ZBTB7C: variants seen among roughly 807,000 people sequenced by gnomAD.
The protein encoded by ZBTB7C is zinc finger and BTB domain-containing protein 7C.
ZBTB7C carries 8 observed loss-of-function variants against 25.7 expected under a neutral mutation model. The ratio of observed to expected loss-of-function variants is 0.31; its 90% CI spans 0.18 to 0.56. The LOEUF (loss-of-function observed/expected upper bound fraction) is 0.56, where lower values mean the gene tolerates loss of function less well. Among genes scored for constraint, ZBTB7C ranks in the 20% least tolerant of loss-of-function variants. The pLI is 0.91. For synonymous variants in ZBTB7C, 394 were observed against 369.0 expected (o/e 1.07, Z -0.78); for missense variants, 824 against 855.2 (o/e 0.96, Z 0.46).
chr18:48,125,914 T>C (rs1219386517), intron 3 of ZBTB7C, among the ~76,000 whole-genome samples: 1 of 152,172 alleles, frequency 6.6e-6, no homozygotes, highest in African/African-American at 2.4e-5. Context: ...TAGTGTGCTT[T>C]GGGCAAGTGA....
chr18:48,144,295 T>C (rs1364353192), intron 3 of ZBTB7C, among the ~76,000 whole-genome samples: 3 of 152,174 alleles, frequency 2.0e-5, no homozygotes, highest in African/African-American at 7.2e-5. Context: ...AAAAATTTTT[T>C]TTTTCTTAGT....
chr18:48,296,537 A>C (rs1279289339), intron 2 of ZBTB7C, among the ~76,000 whole-genome samples: 1 of 152,178 alleles, frequency 6.6e-6, no homozygotes, highest in Non-Finnish European at 1.5e-5. Context: ...ATTTTTAAAA[A>C]TTAGGTAATA....
At chr18:48,194,618 C>A (rs937350619) in intron 2 of ZBTB7C, among the ~76,000 whole-genome samples, 1 of 152,090 alleles carries the variant, frequency 6.6e-6, no homozygotes, top group African/African-American at 2.4e-5. Context: ...GCAGTCTAGA[C>A]AGGGGAGATT....
intron 3 of ZBTB7C, among the ~76,000 whole-genome samples, chr18:48,179,283 C>A (rs1381371953): frequency 2.0e-5 from 3 of 152,168 alleles, no homozygotes; most frequent in African/African-American, 7.2e-5. Context: ...GACCAGAGTC[C>A]CCAACCAATA....
chr18:48,183,938 C>G (rs2041992355), intron 3 of ZBTB7C, among the ~76,000 whole-genome samples: 1 of 152,192 alleles, frequency 6.6e-6, no homozygotes, highest in Non-Finnish European at 1.5e-5. Flanking sequence ...GCTTCCCTCT[C>G]TCCTTGACAA....
At chr18:48,340,576 C>T (rs965568015) in intron 1 of ZBTB7C, among the ~76,000 whole-genome samples, 3 of 152,204 alleles carry the variant, frequency 2.0e-5, no homozygotes, top group Non-Finnish European at 4.4e-5. Context: ...GTCACCATCC[C>T]ACCCCGACTG....
intron 3 of ZBTB7C, among the ~76,000 whole-genome samples, chr18:48,066,277 CA>C (rs1389694839): frequency 6.6e-6 from 1 of 152,218 alleles, no homozygotes; most frequent in African/African-American, 2.4e-5. Flanking sequence ...CTTTGGAACA[CA>C]ATCTCTGGCT....
At chr18:48,144,761 C>A (rs919305393) in intron 3 of ZBTB7C, among the ~76,000 whole-genome samples, 2 of 152,094 alleles carry the variant, frequency 1.3e-5, no homozygotes, top group Admixed American at 6.5e-5. Context: ...GTCTTCACTC[C>A]CGATTGAGGG....
intron 2 of ZBTB7C, among the ~76,000 whole-genome samples, chr18:48,307,649 A>T (rs958048404): frequency 1.3e-5 from 2 of 152,206 alleles, no homozygotes; most frequent in African/African-American, 4.8e-5. Flanking sequence ...AGAGATCGAG[A>T]CCATGCTGGC....
At chr18:48,196,463 C>T (rs1375591456) in intron 2 of ZBTB7C, among the ~76,000 whole-genome samples, 2 of 152,168 alleles carry the variant, frequency 1.3e-5, no homozygotes, top group Non-Finnish European at 2.9e-5. Context: ...TAATTTCAGG[C>T]ATCTGCAGTA....
rs9960952 is a variant in ZBTB7C, at chr18:48,375,109, G to A, written c.-304+34117C>T. On this transcript the variant is annotated intron_variant, in intron 1 of 4. Coordinates refer to ENST00000590800, the MANE Select transcript of ZBTB7C (RefSeq NM_001318841.2). ...CTGGAAGGAAGCTAGAAGGAGACTCGAGCCTCTTTTAATTTCCTCTTCTGT... is the reference window on the plus strand; with the variant it reads ...CTGGAAGGAAGCTAGAAGGAGACTCAAGCCTCTTTTAATTTCCTCTTCTGT... 6.2e-3 allele frequency among the ~76,000 whole-genome samples: 938 copies of A among 152,312 alleles called. 7 individuals are homozygous for A. The highest frequency in any genetic ancestry group is 0.02 in the African/African-American group (842 of 41,570).
Position 48,029,744 on chromosome 18 carries a change from C to A in ZBTB7C, c.1376G>T (p.Arg459Leu). 2 of 1,607,168 alleles carry A rather than the reference C, an allele frequency of 1.2e-6. No homozygotes were observed. Among genetic ancestry groups the A allele is most frequent in the South Asian group, 1.1e-5 (1 of 91,044 alleles). The change falls in exon 5 of 5, where the codon CGC becomes CTC. Residue 459 changes from arginine to leucine, a missense_variant. Transcript: ENST00000590800. Reference protein sequence around the residue: ...QCEFCYKSFTRSDHLHRHIKR... With the variant: ...QCEFCYKSFTLSDHLHRHIKR... ...GATGTGGCGGTGCAGGTGGTCAGAGCGCGTGAAGCTCTTGTAGCAGAACTC... is the reference window on the plus strand; with the variant it reads ...GATGTGGCGGTGCAGGTGGTCAGAGAGCGTGAAGCTCTTGTAGCAGAACTC...
In ZBTB7C at chr18:48,243,464, C is replaced by A. The variant is rs1410317605; in HGVS notation, c.-78-57469G>T. On this transcript the variant is annotated intron_variant, in intron 2 of 4. Coordinates refer to ENST00000590800, the MANE Select transcript of ZBTB7C (RefSeq NM_001318841.2). ...ATAAAATACTCAAGAATATACCTAA[C>A]CAAGGAGATGAAAGACCTCTACAAG... 2.0e-5 allele frequency among the ~76,000 whole-genome samples: 3 copies of A among 151,944 alleles called. No homozygotes were observed. The East Asian group carries it at 5.8e-4, about 29-fold the overall frequency.
At chr18:48,211,323 A>G (rs144595461) in intron 2 of ZBTB7C, among the ~76,000 whole-genome samples, 101 of 152,274 alleles carry the variant, frequency 6.6e-4, no homozygotes, top group African/African-American at 2.1e-3. Context: ...AACCCATAAA[A>G]GAAACAACTG....
intron 1 of ZBTB7C, among the ~76,000 whole-genome samples, chr18:48,400,965 G>T (rs894035660): frequency 1.3e-5 from 2 of 152,184 alleles, no homozygotes; most frequent in African/African-American, 4.8e-5. Flanking sequence ...CCATGCCCAG[G>T]TGCTAATTGA....
intron 3 of ZBTB7C, among the ~76,000 whole-genome samples, chr18:48,068,596 A>C (rs1476868581): frequency 6.6e-6 from 1 of 152,152 alleles, no homozygotes; most frequent in Non-Finnish European, 1.5e-5. Flanking sequence ...AGTGTTTTAA[A>C]ACTCCCCAGG....
At chr18:48,098,649 G>A (rs916787344) in intron 3 of ZBTB7C, among the ~76,000 whole-genome samples, 1 of 152,200 alleles carries the variant, frequency 6.6e-6, no homozygotes, top group African/African-American at 2.4e-5. Flanking sequence ...GGTATGGGAA[G>A]GATTTCATAT....
At chr18:48,177,775 C>T (rs1053842937) in intron 3 of ZBTB7C, among the ~76,000 whole-genome samples, 1 of 152,122 alleles carries the variant, frequency 6.6e-6, no homozygotes, top group Admixed American at 6.5e-5. Context: ...CCTGGGAGGC[C>T]GACCACTGCA....
chr18:48,212,472 C>T (rs937081942), intron 2 of ZBTB7C, among the ~76,000 whole-genome samples: 7 of 151,996 alleles, frequency 4.6e-5, no homozygotes, highest in Non-Finnish European at 1.0e-4. Flanking sequence ...CTAATGTAAA[C>T]TATGGCCCCT....
Sources: allele counts gnomAD v4.1 joint callset (sites outside exome capture counted in the v4.1 genomes callset), GRCh38; gene constraint gnomAD v4.1.1; transcripts MANE v1.5; gene names NCBI Gene and HGNC (gene_info 2026-07-23, HGNC 2026-07-21).